Variants in GMDS observed in about 807,000 individuals in gnomAD.
GMDS encodes the protein GDP-mannose 4,6-dehydratase.
GMDS carries 20 observed loss-of-function variants against 49.9 expected under a neutral mutation model. The ratio of observed to expected loss-of-function variants is 0.40; its 90% CI spans 0.28 to 0.58. GMDS has a LOEUF of 0.58. Among genes scored for constraint, GMDS ranks in the 20% least tolerant of loss-of-function variants. GMDS has a pLI of 0.42. For synonymous variants in GMDS, 177 were observed against 178.6 expected (o/e 0.99, Z 0.07); for missense variants, 362 against 481.4 (o/e 0.75, Z 2.32).
intron 6 of GMDS, among the ~76,000 whole-genome samples, chr6:1,942,560 T>C (rs902867327): frequency 1.3e-5 from 2 of 151,820 alleles, no homozygotes; most frequent in African/African-American, 4.8e-5. Context: ...CCAGATGGAG[T>C]TGAAAGAGAA....
chr6:1,737,759 CA>C (rs1767072629), intron 8 of GMDS, among the ~76,000 whole-genome samples: 3 of 145,286 alleles, frequency 2.1e-5, no homozygotes, highest in Admixed American at 6.9e-5. Context: ...CACATACACA[CA>C]CACCACACAC....
chr6:2,178,847 T>C (rs941491577), intron 1 of GMDS, among the ~76,000 whole-genome samples: 4 of 152,214 alleles, frequency 2.6e-5, no homozygotes, highest in Non-Finnish European at 5.9e-5. Flanking sequence ...CTAACAATGA[T>C]ATTCTGATGC....
intron 6 of GMDS, among the ~76,000 whole-genome samples, chr6:1,948,248 T>G (rs1763182049): frequency 6.6e-6 from 1 of 152,188 alleles, no homozygotes; most frequent in Non-Finnish European, 1.5e-5. Flanking sequence ...GGGAACAATA[T>G]TCCATAACAA....
chr6:2,044,159 C>A (rs1300062019), intron 4 of GMDS, among the ~76,000 whole-genome samples: 1 of 152,158 alleles, frequency 6.6e-6, no homozygotes, highest in African/African-American at 2.4e-5. Context: ...TATGGCAATT[C>A]CTCAAAGAAC....
intron 7 of GMDS, among the ~76,000 whole-genome samples, chr6:1,752,959 T>C (rs1767790040): frequency 6.6e-6 from 1 of 152,152 alleles, no homozygotes; most frequent in Non-Finnish European, 1.5e-5. Flanking sequence ...ATCAACACTA[T>C]GAAGAAACTT....
At chr6:1,996,772 C>G (rs192264270) in intron 4 of GMDS, among the ~76,000 whole-genome samples, 12 of 152,158 alleles carry the variant, frequency 7.9e-5, no homozygotes, top group Admixed American at 7.8e-4. Context: ...ATGACCACAC[C>G]TAGGTATAAG....
intron 1 of GMDS, among the ~76,000 whole-genome samples, chr6:2,225,200 C>T (rs1046288223): frequency 9.2e-5 from 14 of 151,634 alleles, no homozygotes; most frequent in Middle Eastern, 3.4e-3. Context: ...CATGGTAGTG[C>T]ACAACTGTGG....
At chr6:1,796,562 A>G (rs893718534) in intron 7 of GMDS, among the ~76,000 whole-genome samples, 1 of 152,136 alleles carries the variant, frequency 6.6e-6, no homozygotes, top group Non-Finnish European at 1.5e-5. Context: ...GTTTTGGAAA[A>G]TTTCCTTGGG....
chr6:2,073,390 A>G (rs887098597), intron 4 of GMDS, among the ~76,000 whole-genome samples: 4 of 152,162 alleles, frequency 2.6e-5, no homozygotes, highest in African/African-American at 9.7e-5. Context: ...CATATTTTAC[A>G]TATTTTCAGA....
chr6:2,069,724 T>C (rs1336780603), intron 4 of GMDS, among the ~76,000 whole-genome samples: 1 of 152,070 alleles, frequency 6.6e-6, no homozygotes, highest in Non-Finnish European at 1.5e-5. Context: ...TGAGATACCA[T>C]CTCACACCAG....
chr6:2,114,719 T>A (rs529167513), intron 4 of GMDS, among the ~76,000 whole-genome samples: 87 of 152,334 alleles, frequency 5.7e-4, no homozygotes, highest in African/African-American at 2.0e-3. Flanking sequence ...ATACATATAA[T>A]GAAGACTGGC....
At chr6:1,744,832 A>C (rs1581539069) in intron 7 of GMDS, among the ~76,000 whole-genome samples, 1 of 152,372 alleles carries the variant, frequency 6.6e-6, no homozygotes, top group Middle Eastern at 3.4e-3. Context: ...CCAGGGTCCC[A>C]AGTCTAGCCA....
intron 4 of GMDS, among the ~76,000 whole-genome samples, chr6:1,963,627 T>C (rs1419790291): frequency 2.0e-5 from 3 of 152,176 alleles, no homozygotes; most frequent in African/African-American, 4.8e-5. Flanking sequence ...GCACCATTTG[T>C]TGAAAAGGCC....
chr6:2,022,825 T>G (rs937593485), intron 4 of GMDS, among the ~76,000 whole-genome samples: 1 of 152,082 alleles, frequency 6.6e-6, no homozygotes, highest in Non-Finnish European at 1.5e-5. Context: ...CAGCCAATAA[T>G]AGTGAACATT....
chr6:2,213,419 G>A (rs918777413), intron 1 of GMDS, among the ~76,000 whole-genome samples: 4 of 152,158 alleles, frequency 2.6e-5, no homozygotes, highest in African/African-American at 9.7e-5. Flanking sequence ...TAACAATACA[G>A]ACCCAATGGT....
rs1208721986 is a variant in GMDS at position 2,042,527 on chromosome 6, G to A, written c.345+73244C>T. ...AAGCTTACAGCGAAAGAATTACATG[G>A]GAAAATTGTTCCAAAACACATTTAC... On this transcript the variant is annotated intron_variant, in intron 4 of 10. Transcript: ENST00000380815. 2.0e-5 allele frequency among the ~76,000 whole-genome samples: 3 copies of A among 152,004 alleles called. No individual in the cohort carries two copies. In the East Asian group the frequency reaches 5.8e-4, roughly 29 times the overall value.
chr6:2,170,203 C>CAA (rs34632162), intron 1 of GMDS, among the ~76,000 whole-genome samples: 23 of 121,348 alleles, frequency 1.9e-4, no homozygotes, highest in African/African-American at 5.3e-4. Flanking sequence ...AACTACATCT[C>CAA]AAAAAAAAAA....
In GMDS at chr6:2,160,010, C is replaced by G. The variant is rs192624124; in HGVS notation, c.103-35279G>C. Reference sequence around the variant, plus strand: ...CATGCACAGGAGCATAAATTAACAACGAAACCTACAAAAAATCTTGGGCTG... The same window carrying G: ...CATGCACAGGAGCATAAATTAACAAGGAAACCTACAAAAAATCTTGGGCTG... On this transcript the variant is annotated intron_variant, in intron 1 of 10. Coordinates refer to ENST00000380815, the MANE Select transcript of GMDS (RefSeq NM_001500.4). Among the ~76,000 whole-genome samples, 863 of 152,080 alleles carry G rather than the reference C, an allele frequency of 5.7e-3. 2 individuals are homozygous for G. Among genetic ancestry groups the G allele is most frequent in the Middle Eastern group, 0.017 (5 of 294 alleles).
At chr6:1,923,796 T>G (rs1761849976) in intron 7 of GMDS, among the ~76,000 whole-genome samples, 1 of 152,216 alleles carries the variant, frequency 6.6e-6, no homozygotes, top group Admixed American at 6.5e-5. Context: ...TTAAATGACG[T>G]CTCTTCCTTC....
Sources: gnomAD v4.1 joint callset for allele counts (sites outside exome capture counted in the v4.1 genomes callset) on GRCh38, gnomAD v4.1.1 for gene constraint, MANE v1.5 for transcripts, NCBI Gene and HGNC (gene_info 2026-07-23, HGNC 2026-07-21) for gene names.